Variants in INPP4B observed in about 807,000 individuals in gnomAD.
INPP4B encodes inositol polyphosphate 4-phosphatase type II.
INPP4B carries 55 observed loss-of-function variants against 122.5 expected under a neutral mutation model. That is an observed-to-expected ratio of 0.45 (90% confidence interval 0.36 to 0.56). The LOEUF (loss-of-function observed/expected upper bound fraction) is 0.56. Among genes scored for constraint, INPP4B ranks in the 20% least tolerant of loss-of-function variants. The pLI, the probability that INPP4B is intolerant of heterozygous loss-of-function variation, is 0.00. For synonymous variants in INPP4B, 403 were observed against 388.7 expected (o/e 1.04, Z -0.43); for missense variants, 1,000 against 1,097.7 (o/e 0.91, Z 1.26).
intron 15 of INPP4B, among the ~76,000 whole-genome samples, chr4:142,182,967 A>G (rs1831549658): frequency 6.6e-6 from 1 of 152,156 alleles, no homozygotes; most frequent in East Asian, 1.9e-4. Flanking sequence ...AAAACCTACC[A>G]ATTGCAGTAT....
At chr4:142,154,232 G>A (rs1446970277) in intron 17 of INPP4B, among the ~76,000 whole-genome samples, 1 of 151,838 alleles carries the variant, frequency 6.6e-6, no homozygotes, top group African/African-American at 2.4e-5. Context: ...AAAAACCTGG[G>A]ACAAGGGACA....
intron 2 of INPP4B, among the ~76,000 whole-genome samples, chr4:142,599,023 G>C (rs755079787): frequency 7.2e-5 from 11 of 152,170 alleles, no homozygotes; most frequent in Non-Finnish European, 1.5e-4. Flanking sequence ...CTGCCACAGA[G>C]AGTGAGAGAG....
intron 2 of INPP4B, among the ~76,000 whole-genome samples, chr4:142,490,901 C>G (rs1560717042): frequency 6.6e-6 from 1 of 152,142 alleles, no homozygotes; most frequent in Admixed American, 6.6e-5. Flanking sequence ...GGATTTCCTA[C>G]TTTTTAAGGC....
intron 15 of INPP4B, among the ~76,000 whole-genome samples, chr4:142,175,361 A>AT (rs113346898): frequency 0.025 from 3,727 of 149,864 alleles, 59 homozygotes; most frequent in Middle Eastern, 0.051. Context: ...TAAGGAAACA[A>AT]TTTTTTTTTT....
chr4:142,220,926 C>A (rs576062107), intron 12 of INPP4B, among the ~76,000 whole-genome samples: 1 of 152,036 alleles, frequency 6.6e-6, no homozygotes, highest in East Asian at 1.9e-4. Flanking sequence ...TAGGGCCCAC[C>A]CTAATGGCCT....
intron 2 of INPP4B, among the ~76,000 whole-genome samples, chr4:142,529,765 A>G (rs1827361352): frequency 6.6e-6 from 1 of 152,054 alleles, no homozygotes; most frequent in Admixed American, 6.6e-5. Context: ...CCAGAATCTT[A>G]GCAGCTTGAG....
chr4:142,541,469 C>T (rs561583770), intron 2 of INPP4B, among the ~76,000 whole-genome samples: 1 of 152,238 alleles, frequency 6.6e-6, no homozygotes, highest in East Asian at 1.9e-4. Flanking sequence ...ATGCACAAAC[C>T]CCTAGGGATT....
intron 10 of INPP4B, among the ~76,000 whole-genome samples, chr4:142,264,540 A>G (rs1741867382): frequency 6.6e-6 from 1 of 152,158 alleles, no homozygotes; most frequent in Non-Finnish European, 1.5e-5. Flanking sequence ...TATATATTGA[A>G]GTTTGAAACA....
chr4:142,198,841 C>G (rs1839504760), intron 14 of INPP4B, among the ~76,000 whole-genome samples: 2 of 151,946 alleles, frequency 1.3e-5, no homozygotes, highest in South Asian at 4.2e-4. Flanking sequence ...TAATCCTGTT[C>G]CAGTTCTCAC....
intron 15 of INPP4B, among the ~76,000 whole-genome samples, chr4:142,178,755 G>T (rs1459447903): frequency 6.6e-6 from 1 of 150,988 alleles, no homozygotes; most frequent in Non-Finnish European, 1.5e-5. Context: ...CTCTTCTCCT[G>T]TGGCAGAATT....
intron 18 of INPP4B, 127 bp from the exon 19 acceptor site, chr4:142,124,887 A>T: frequency 9.7e-6 from 7 of 722,426 alleles, no homozygotes; most frequent in Non-Finnish European, 1.5e-5. Context: ...ATTCACAAAG[A>T]TTAGAGCTGA....
intron 6 of INPP4B, 41 bp downstream of exon 6, chr4:142,405,165 G>GAGAGAA: frequency 1.1e-6 from 1 of 936,888 alleles, no homozygotes. Context: ...CAGCAAGAGA[G>GAGAGAA]AGAGAGAGAG....
chr4:142,830,850 C>CAAAAAAAAAAA (rs70949194), intron 1 of INPP4B, among the ~76,000 whole-genome samples: 1 of 91,484 alleles, frequency 1.1e-5, no homozygotes. Flanking sequence ...GCTGTCTCTA[C>CAAAAAAAAAAA]AAAAAAAAAA....
At chr4:142,600,444 G>C (rs1166240514) in intron 2 of INPP4B, among the ~76,000 whole-genome samples, 1 of 152,112 alleles carries the variant, frequency 6.6e-6, no homozygotes, top group African/African-American at 2.4e-5. Flanking sequence ...AATACCACTA[G>C]ACCTGACTTA....
At chr4:142,377,171 G>A (rs1323015416) in intron 7 of INPP4B, among the ~76,000 whole-genome samples, 1 of 151,556 alleles carries the variant, frequency 6.6e-6, no homozygotes, top group East Asian at 1.9e-4. Flanking sequence ...ACAAATTTTA[G>A]GTGGCTCCAA....
intron 1 of INPP4B, among the ~76,000 whole-genome samples, chr4:142,803,355 A>T (rs1187402290): frequency 6.6e-6 from 1 of 151,990 alleles, no homozygotes; most frequent in African/African-American, 2.4e-5. Flanking sequence ...GATACTCAGA[A>T]ATGCTTTTTT....
chr4:142,603,080 G>A (rs1425348466), intron 2 of INPP4B, among the ~76,000 whole-genome samples: 2 of 152,148 alleles, frequency 1.3e-5, no homozygotes, highest in East Asian at 3.8e-4. Context: ...CCTTTGCAGG[G>A]ACATGGATGG....
At chr4:142,788,372 G>C (rs1776046198) in intron 1 of INPP4B, among the ~76,000 whole-genome samples, 1 of 151,978 alleles carries the variant, frequency 6.6e-6, no homozygotes. Context: ...TAAAATGTGG[G>C]TTTCCAAAGC....
intron 22 of INPP4B, 70 bp from the exon 23 acceptor site, chr4:142,108,260 C>T (rs1356927265): frequency 6.4e-6 from 5 of 781,200 alleles, no homozygotes; most frequent in Non-Finnish European, 8.8e-6. Flanking sequence ...TTTTACCTTT[C>T]CTTTTTAAAT....
Sources: allele counts gnomAD v4.1 joint callset (sites outside exome capture counted in the v4.1 genomes callset), GRCh38; gene constraint gnomAD v4.1.1; transcripts MANE v1.5; gene names NCBI Gene and HGNC (gene_info 2026-07-23, HGNC 2026-07-21).